Variants in PPP6R1 observed in about 807,000 individuals in gnomAD.
PPP6R1 encodes the protein protein phosphatase 6 regulatory subunit 1, also known as serine/threonine-protein phosphatase 6 regulatory subunit 1.
Under a neutral mutation model 104.6 loss-of-function variants are expected in PPP6R1, and 39 were observed. The ratio of observed to expected loss-of-function variants is 0.37; its 90% CI spans 0.29 to 0.49. The LOEUF (loss-of-function observed/expected upper bound fraction) is 0.49. PPP6R1 is among the 20% of genes least tolerant of loss of function. The pLI is 0.98. For missense variants in PPP6R1, 1,181 were observed against 1,155.8 expected, an observed-to-expected ratio of 1.02 and a Z score of -0.32; for synonymous variants, 549 against 479.0, an observed-to-expected ratio of 1.15 and a Z score of -1.91.
Position 55,245,568 on chromosome 19 carries a change from G to A in PPP6R1, c.338C>T (p.Thr113Ile). 1 of 1,612,538 alleles carries A rather than the reference G, an allele frequency of 6.2e-7. No homozygotes were observed. The highest frequency in any genetic ancestry group is 8.5e-7 in the Non-Finnish European group (1 of 1,179,444). The change falls in exon 3 of 24, where the codon ACC (threonine) becomes ATC (isoleucine). Residue 113 changes from threonine to isoleucine, a missense_variant. This residue lies in a region of PPP6R1 where 139 missense variants were observed against 200.1 expected (regional missense o/e 0.69). Coordinates refer to ENST00000412770, the MANE Select transcript of PPP6R1 (RefSeq NM_014931.4). The surrounding 1 kb of genome is among the most constrained non-coding windows in gnomAD (Gnocchi z 6.4). ...GGCCAGCAGTGGGTTGAGGCTGCCG[G>A]TGCTCTGCAGGAAGCCGTAGAGCCG... ...LNRLYGFLQS[T>I]GSLNPLLASF...
At chr19:55,231,076 C>A in intron 21 of PPP6R1, 192 bp from the exon 22 acceptor site, 1 of 621,532 alleles carries the variant, frequency 1.6e-6, no homozygotes. Flanking sequence ...AGACAAGCAC[C>A]CCTCTTCCCG....
At chr19:55,228,522 C>A, downstream of PPP6R1, 1 of 1,563,688 alleles carries the variant, frequency 6.4e-7, no homozygotes, top group Non-Finnish European at 8.6e-7. Flanking sequence ...TGTCCCACCC[C>A]CACCTGGGAC....
intron 17 of PPP6R1, chr19:55,233,048 G>C (rs2087364293): frequency 6.6e-6 from 1 of 152,034 alleles, no homozygotes; most frequent in South Asian, 2.1e-4. Flanking sequence ...TTCTAACAAT[G>C]GTAAATGTTT....
intron 1 of PPP6R1, among the ~76,000 whole-genome samples, chr19:55,252,457 G>A (rs999092694): frequency 1.4e-4 from 21 of 150,838 alleles, no homozygotes; most frequent in Non-Finnish European, 2.9e-4. Context: ...GGAGTGCAGC[G>A]GCGCGATCTC....
At chr19:55,234,218 A>G (rs1212471696) in intron 17 of PPP6R1, among the ~76,000 whole-genome samples, 1 of 152,178 alleles carries the variant, frequency 6.6e-6, no homozygotes, top group East Asian at 1.9e-4. Flanking sequence ...AAGTGCTGGG[A>G]TTACAGGTGT....
At position 55,230,639 on chromosome 19, in the gene PPP6R1, C is replaced by T. The variant is rs200738242; in HGVS notation, c.2616G>A (p.Pro872=). ...GGGAGCCTGGGGATGCAGGCCCTTCCGGGGCAGAGCCATTGGGTATCGGAG... is the reference window on the plus strand; with the variant it reads ...GGGAGCCTGGGGATGCAGGCCCTTCTGGGGCAGAGCCATTGGGTATCGGAG... ...TPPPIPNGSA[P]EGPASPGSQ is the part of the protein sequence containing the mutation. Residue 872 remains proline, a synonymous_variant, in exon 23 of 24, where the codon CCG becomes CCA. Transcript: ENST00000412770. 517 of 1,610,432 alleles carry T rather than the reference C, an allele frequency of 3.2e-4. 2 individuals are homozygous for T. In the East Asian group the frequency reaches 4.0e-3, roughly 12 times the overall value.
rs1029601133 is a variant in PPP6R1 at position 55,240,894 on chromosome 19, G to A, written c.1296+51C>T. 3.0e-5 allele frequency: 47 copies of A among 1,582,562 alleles called. No individual in the cohort carries two copies. In the Admixed American group the frequency reaches 3.1e-4, roughly 10 times the overall value. ...AGGGGTAGGCCTCTGGAGAGGGTGC[G>A]CCCACAGGGGATGGGCCCAGAAGGA... On this transcript the variant is annotated intron_variant, in intron 10 of 23. Transcript: ENST00000412770.
chr19:55,256,428 A>C (rs2087594009), intron 1 of PPP6R1, among the ~76,000 whole-genome samples: 2 of 152,242 alleles, frequency 1.3e-5, no homozygotes, highest in Admixed American at 1.3e-4. Context: ...ACAACCAAAA[A>C]CATCTCCAGA....
At chr19:55,231,738 C>G in intron 19 of PPP6R1, 64 bp downstream of exon 19, 7 of 1,501,392 alleles carry the variant, frequency 4.7e-6, no homozygotes, top group Non-Finnish European at 6.2e-6. Context: ...AGGACGGGGA[C>G]CCCATGGCCA....
In PPP6R1 at chr19:55,231,425, G is replaced by A. The variant is rs1169781510; in HGVS notation, c.2444C>T (p.Pro815Leu). The part of the protein sequence containing the change: ...QATFHGIRSA[P>L]SSSDSATRDP... ...CGCTGCTCACCTGTCCGAGGAGCTGGGGGCAGAACGGATCCCGTGGAAGGT... is the reference window on the plus strand; with the variant it reads ...CGCTGCTCACCTGTCCGAGGAGCTGAGGGCAGAACGGATCCCGTGGAAGGT... Residue 815 changes from proline (P) to leucine (L), a missense_variant, in exon 21 of 24, where the codon CCC becomes CTC. By Grantham distance (98) the Pro-to-Leu change is moderately conservative. Coordinates refer to ENST00000412770, the MANE Select transcript of PPP6R1 (RefSeq NM_014931.4). 9.4e-6 allele frequency: 15 copies of A among 1,603,412 alleles called. No individual in the cohort carries two copies. The highest frequency in any genetic ancestry group is 1.7e-4 in the Middle Eastern group (1 of 5,856).
chr19:55,234,799 A>G lies in PPP6R1; in HGVS notation c.1988+1844T>C, dbSNP rs571401511. ...GCACCCAAACACACAACAGGGAAGG[A>G]GCTCACAAGCAGAGTGTTGAGCAAC... On this transcript the variant is annotated intron_variant, in intron 17 of 23. Transcript: ENST00000412770. Among the ~76,000 whole-genome samples, 3 of 152,314 alleles carry G rather than the reference A, an allele frequency of 2.0e-5. No homozygotes were observed. The South Asian group carries it at 6.2e-4, about 32-fold the overall frequency.
Position 55,242,919 on chromosome 19 carries a change from G to A in PPP6R1, c.619-431C>T, listed in dbSNP as rs140600165. On this transcript the variant is annotated intron_variant, in intron 5 of 23. Transcript: ENST00000412770. ...GAGAAAGAAACCACACACAGATCAC[G>A]TAGTACATGATTCCAATTATATGAA... 1.8e-3 allele frequency among the ~76,000 whole-genome samples: 269 copies of A among 152,282 alleles called. 1 individual carries two copies. Among genetic ancestry groups the A allele is most frequent in the African/African-American group, 5.9e-3 (244 of 41,546 alleles).
intron 10 of PPP6R1, 111 bp from the exon 11 acceptor site, chr19:55,240,411 TCATC>T: frequency 9.2e-7 from 1 of 1,086,234 alleles, no homozygotes; most frequent in Non-Finnish European, 1.3e-6. Context: ...AGGCCCCCGC[TCATC>T]CAGAGACGGG....
chr19:55,252,391 G>A (rs1389828631), intron 1 of PPP6R1, among the ~76,000 whole-genome samples: 3 of 142,684 alleles, frequency 2.1e-5, no homozygotes, highest in Non-Finnish European at 4.5e-5. Flanking sequence ...CACCATTCTT[G>A]GCTGATTTTT....
intron 10 of PPP6R1, among the ~76,000 whole-genome samples, chr19:55,240,512 C>CAT (rs1199720465): frequency 1.6e-5 from 2 of 127,928 alleles, no homozygotes; most frequent in East Asian, 2.2e-4. Context: ...ATATGTGGTG[C>CAT]ATACACACAC....
chr19:55,232,356 G>A (rs1255658469), intron 17 of PPP6R1, 145 bp from the exon 18 acceptor site: 32 of 1,261,006 alleles, frequency 2.5e-5, no homozygotes, highest in Non-Finnish European at 3.4e-5. Flanking sequence ...CCTGGGGTGT[G>A]ACGACACCAG....
chr19:55,231,727 G>A lies in PPP6R1; in HGVS notation c.2307-59C>T, dbSNP rs2087349415. ...CTAGGGTTAGCACTCGAGCCTATGA[G>A]AGGACGGGGACCCCATGGCCACCTC... On this transcript the variant is annotated intron_variant, in intron 19 of 23. Coordinates refer to ENST00000412770, the MANE Select transcript of PPP6R1 (RefSeq NM_014931.4). The A allele has an allele frequency of 2.0e-6, 3 of 1,517,988 alleles. No homozygotes were observed. The East Asian group carries it at 6.9e-5, about 35-fold the overall frequency. The allele number at this position is 1,517,988 out of a possible 1,614,324, so 94.0% of individuals were successfully genotyped here.
Position 55,245,466 on chromosome 19 carries a change from T to A in PPP6R1, c.414+26A>T, listed in dbSNP as rs1342720742. 6.2e-7 allele frequency: 1 copy of A among 1,610,472 alleles called. No individual in the cohort carries two copies. Among genetic ancestry groups the A allele is most frequent in the South Asian group, 1.1e-5 (1 of 90,516 alleles). ...CCAGCCACCACCCCTCAACCCACGG[T>A]GGCGCCAGGGTGGGGGCCAGGGCAC... is the stretch of plus-strand genomic sequence containing the variant. On this transcript the variant is annotated intron_variant, in intron 3 of 23. Coordinates refer to ENST00000412770, the MANE Select transcript of PPP6R1 (RefSeq NM_014931.4). This position sits in a 1 kb window ranked among gnomAD's most constrained non-coding sequence, Gnocchi z 6.4.
rs1216663911 is a variant in PPP6R1, at chr19:55,231,959, C to T, written c.2149G>A (p.Asp717Asn). 6.3e-7 allele frequency: 1 copy of T among 1,595,988 alleles called. No homozygotes were observed. The highest frequency in any genetic ancestry group is 1.7e-5 in the Admixed American group (1 of 58,736). ...PPGPSWTATFDPVPTDAPTSP... is the reference protein window; with the variant it reads ...PPGPSWTATFNPVPTDAPTSP... ...GTCGGGGCATCTGTAGGCACTGGGT[C>T]AAAGGTGGCTGTCCAGCTGGGGCCT... The change falls in exon 19 of 24, where the codon GAC becomes AAC. Residue 717 changes from aspartate (D) to asparagine (N), a missense_variant. By Grantham distance (23) the Asp-to-Asn change is conservative (BLOSUM62 1). This residue lies in a region of PPP6R1 where 1,042 missense variants were observed against 955.6 expected (regional missense o/e 1.09). Transcript: ENST00000412770.
Sources: gnomAD v4.1 joint callset for allele counts (sites outside exome capture counted in the v4.1 genomes callset) on GRCh38, gnomAD v4.1.1 for gene constraint, gnomAD v4.1.1 regional missense constraint, Gnocchi (gnomAD v3.1) non-coding constraint, MANE v1.5 for transcripts, NCBI Gene and HGNC (gene_info 2026-07-23, HGNC 2026-07-21) for gene names.